Variants in PTPRN2 observed in about 807,000 individuals in gnomAD.
PTPRN2 encodes the protein protein tyrosine phosphatase receptor type N2.
Under a neutral mutation model 118.8 loss-of-function variants are expected in PTPRN2, and 74 were observed. The ratio of observed to expected loss-of-function variants is 0.62; its 90% CI spans 0.52 to 0.76. The LOEUF is 0.76. PTPRN2 is among the 30% of genes least tolerant of loss of function. PTPRN2 has a pLI of 0.00. For missense variants in PTPRN2, 1,481 were observed against 1,394.4 expected (o/e 1.06, Z -0.99); for synonymous variants, 641 against 608.0 (o/e 1.05, Z -0.80).
chr7:157,644,882 G>C (rs1039221179), intron 14 of PTPRN2, among the ~76,000 whole-genome samples: 1 of 152,032 alleles, frequency 6.6e-6, no homozygotes, highest in Non-Finnish European at 1.5e-5. Flanking sequence ...TCCTATGCAC[G>C]ATTTCCACCC....
Position 157,898,722 on chromosome 7 carries a change from T to C in PTPRN2, c.1739A>G (p.Lys580Arg). 1 of 1,606,436 alleles carries C rather than the reference T, an allele frequency of 6.2e-7. No individual in the cohort carries two copies. Among genetic ancestry groups the C allele is most frequent in the Non-Finnish European group, 8.5e-7 (1 of 1,172,908 alleles). ...VEKATVDNKD[K>R]LEETSGLKIL... ...TTTCAGTCCAGAGGTTTCCTCCAGT[T>C]TGTCTTTGTTGTCAACTGTTAGGAA... is the stretch of plus-strand genomic sequence containing the variant. Residue 580 changes from lysine (K) to arginine (R), a missense_variant, in exon 12 of 23, where the codon AAA becomes AGA. This residue lies in a region of PTPRN2 where 1,115 missense variants were observed against 994.2 expected (regional missense o/e 1.12). Transcript: ENST00000389418.
intron 13 of PTPRN2, among the ~76,000 whole-genome samples, chr7:157,660,944 G>T (rs1052444885): frequency 2.0e-5 from 3 of 152,164 alleles, no homozygotes; most frequent in Non-Finnish European, 2.9e-5. Context: ...TAGTAGAGAC[G>T]GGCTTCACCA....
At chr7:157,866,785 C>T (rs1400126432) in intron 12 of PTPRN2, among the ~76,000 whole-genome samples, 3 of 149,314 alleles carry the variant, frequency 2.0e-5, no homozygotes, top group East Asian at 3.9e-4. Context: ...CCTGGATACA[C>T]GGCCACTACC....
At chr7:157,864,908 C>T (rs765353382) in intron 12 of PTPRN2, 2 of 152,416 alleles carry the variant, frequency 1.3e-5, no homozygotes, top group Admixed American at 1.3e-4. Context: ...ATCTCAGGCC[C>T]TCCCTGACCC....
Position 157,796,830 on chromosome 7 carries a change from A to G in PTPRN2, c.1788+101843T>C, listed in dbSNP as rs928500015. On this transcript the variant is annotated intron_variant, in intron 12 of 22. Coordinates refer to ENST00000389418, the MANE Select transcript of PTPRN2 (RefSeq NM_002847.5). ...GGGTCTCAGAAAACTCACTATCATG[A>G]GAACAGCAAGGAGAGGGTGGTGCAA... Among the ~76,000 whole-genome samples, 3 of 152,188 alleles carry G rather than the reference A, an allele frequency of 2.0e-5. No homozygotes were observed. In the South Asian group the frequency reaches 6.2e-4, roughly 32 times the overall value.
chr7:157,965,430 C>T (rs1351619002), intron 11 of PTPRN2, among the ~76,000 whole-genome samples: 1 of 152,152 alleles, frequency 6.6e-6, no homozygotes, highest in African/African-American at 2.4e-5. Context: ...GAGACTGAGC[C>T]TTCCCAACAC....
chr7:157,864,664 T>A, intron 12 of PTPRN2: 1 of 152,356 alleles, frequency 6.6e-6, no homozygotes, highest in Non-Finnish European at 1.5e-5. Flanking sequence ...TGTGAGCTGC[T>A]GAAACGCAGC....
At chr7:157,882,109 A>C (rs1031666183) in intron 12 of PTPRN2, among the ~76,000 whole-genome samples, 1 of 152,178 alleles carries the variant, frequency 6.6e-6, no homozygotes, top group African/African-American at 2.4e-5. Flanking sequence ...ACTGTCATAC[A>C]TCAGCACATG....
intron 2 of PTPRN2, among the ~76,000 whole-genome samples, chr7:158,332,358 C>A (rs55660962): frequency 2.7e-5 from 2 of 75,446 alleles, no homozygotes; most frequent in African/African-American, 3.8e-5. Context: ...CTCACACCCA[C>A]ACTCTCACCA....
intron 11 of PTPRN2, among the ~76,000 whole-genome samples, chr7:158,068,725 G>T (rs1280890233): frequency 6.6e-6 from 1 of 152,126 alleles, no homozygotes; most frequent in Non-Finnish European, 1.5e-5. Context: ...ATGTCATTTT[G>T]GTCGGTCAAG....
chr7:158,163,536 T>G (rs144209330), intron 6 of PTPRN2, among the ~76,000 whole-genome samples: 1 of 148,414 alleles, frequency 6.7e-6, no homozygotes, highest in Non-Finnish European at 1.5e-5. Context: ...GTGATCAATA[T>G]TCTCTGTGTA....
intron 6 of PTPRN2, among the ~76,000 whole-genome samples, chr7:158,154,757 A>C (rs1251535418): frequency 1.1e-5 from 1 of 90,048 alleles, no homozygotes; most frequent in African/African-American, 3.0e-5. Flanking sequence ...TTTAAAAAAA[A>C]TCATAAGTAT....
At chr7:157,870,112 G>C (rs1044387729) in intron 12 of PTPRN2, among the ~76,000 whole-genome samples, 2 of 152,156 alleles carry the variant, frequency 1.3e-5, no homozygotes, top group Non-Finnish European at 2.9e-5. Context: ...TGAAAGCTCT[G>C]CCCTTGGCTG....
At chr7:157,717,991 C>G (rs1471997700) in intron 12 of PTPRN2, among the ~76,000 whole-genome samples, 2 of 152,278 alleles carry the variant, frequency 1.3e-5, no homozygotes, top group Non-Finnish European at 2.9e-5. Flanking sequence ...GGCCAGGGCC[C>G]TGGGCCACAT....
chr7:158,391,958 G>A (rs765186430), intron 2 of PTPRN2, among the ~76,000 whole-genome samples: 9 of 152,224 alleles, frequency 5.9e-5, no homozygotes, highest in South Asian at 2.1e-4. Flanking sequence ...CCTGTGAGTC[G>A]AGAGTCCTCC....
intron 3 of PTPRN2, among the ~76,000 whole-genome samples, chr7:158,217,594 G>A (rs1175412784): frequency 1.3e-5 from 2 of 152,092 alleles, no homozygotes; most frequent in African/African-American, 4.8e-5. Context: ...ACCCAGCAAT[G>A]GTTCTTAATC....
At chr7:158,110,701 T>G (rs150671294) in intron 10 of PTPRN2, 128 bp downstream of exon 10, 3 of 858,524 alleles carry the variant, frequency 3.5e-6, no homozygotes, top group African/African-American at 3.4e-5. Context: ...GAAATCACCT[T>G]TCACTTCTCT....
intron 13 of PTPRN2, chr7:157,669,624 A>G (rs918897678): frequency 4.5e-6 from 2 of 447,852 alleles, no homozygotes; most frequent in Non-Finnish European, 8.9e-6. Context: ...TGGCCAAGCA[A>G]TATGGAGTGA....
At chr7:158,356,882 G>A (rs1019148089) in intron 2 of PTPRN2, among the ~76,000 whole-genome samples, 1 of 152,122 alleles carries the variant, frequency 6.6e-6, no homozygotes, top group Non-Finnish European at 1.5e-5. Flanking sequence ...GAAAGCTTCT[G>A]GGGACCAAGT....
Sources: gnomAD v4.1 joint callset for allele counts (sites outside exome capture counted in the v4.1 genomes callset) on GRCh38, gnomAD v4.1.1 for gene constraint, gnomAD v4.1.1 regional missense constraint, MANE v1.5 for transcripts, NCBI Gene and HGNC (gene_info 2026-07-23, HGNC 2026-07-21) for gene names.